Variants in ZMYM6 observed in about 807,000 individuals in gnomAD.
ZMYM6 encodes the protein zinc finger MYM-type protein 6.
In ZMYM6, 90 loss-of-function variants were observed where a neutral mutation model predicts 134.0. The ratio of observed to expected loss-of-function variants is 0.67; its 90% CI spans 0.57 to 0.80. ZMYM6 has a LOEUF of 0.80. ZMYM6 is among the 30% of genes least tolerant of loss of function. ZMYM6 has a pLI of 0.00. For missense variants in ZMYM6, 1,362 were observed against 1,533.9 expected (o/e 0.89, Z 1.87); for synonymous variants, 481 against 524.1 (o/e 0.92, Z 1.12).
In ZMYM6 at chr1:35,008,357, T is replaced by C. The variant is rs934142914; in HGVS notation, c.1665+395A>G. Among the ~76,000 whole-genome samples, 6 of 152,320 alleles carry C rather than the reference T, an allele frequency of 3.9e-5. 1 individual carries two copies. Among genetic ancestry groups the C allele is most frequent in the African/African-American group, 1.4e-4 (6 of 41,554 alleles). ...TTCAAAAAGTTAATCTTTTTAAAAATGAGGTAGGAATGGTTGCCAGCTATT... is the reference window on the plus strand; with the variant it reads ...TTCAAAAAGTTAATCTTTTTAAAAACGAGGTAGGAATGGTTGCCAGCTATT... On this transcript the variant is annotated intron_variant, in intron 11 of 15. Transcript: ENST00000357182.
At chr1:35,028,927 A>C (rs1641466238) in intron 2 of ZMYM6, among the ~76,000 whole-genome samples, 1 of 151,590 alleles carries the variant, frequency 6.6e-6, no homozygotes, top group East Asian at 2.0e-4. Context: ...GTGGTGGCTC[A>C]CGCCTGTAAT....
rs747400838 is a variant in ZMYM6, at chr1:35,007,046, T to C, written c.1718A>G (p.Lys573Arg). 3.7e-6 allele frequency: 6 copies of C among 1,611,746 alleles called. No individual in the cohort carries two copies. The South Asian group carries it at 6.6e-5, about 18-fold the overall frequency. Residue 573 changes from lysine (K) to arginine (R), a missense_variant, in exon 12 of 16, where the codon AAG (lysine) becomes AGG (arginine). Coordinates refer to ENST00000357182, the MANE Select transcript of ZMYM6 (RefSeq NM_007167.4). ...GAAATGTTTAATGTTGCCTCGCCAC[T>C]TTATGGACTCGCTTAGTTTACCCTG... ...KRQGKLSESI[K>R]WRGNIKHFCN...
At chr1:35,005,026 C>T in intron 13 of ZMYM6, 106 bp downstream of exon 13, 1 of 1,387,608 alleles carries the variant, frequency 7.2e-7, no homozygotes, top group Non-Finnish European at 9.9e-7. Flanking sequence ...CCATTGCACT[C>T]CAGCCTGGGC....
At chr1:35,005,629 C>CAAAAAAAAAAAAAAAAAAAAAAAAAAA (rs1182722333) in intron 12 of ZMYM6, among the ~76,000 whole-genome samples, 2 of 59,296 alleles carry the variant, frequency 3.4e-5, no homozygotes, top group Non-Finnish European at 4.1e-5. Flanking sequence ...AACCTAGTCT[C>CAAAAAAAAAAAAAAAAAAAAAAAAAAA]AAAAAAAAAA....
At chr1:35,007,391 C>T (rs1351893863) in intron 11 of ZMYM6, among the ~76,000 whole-genome samples, 2 of 151,932 alleles carry the variant, frequency 1.3e-5, no homozygotes, top group Non-Finnish European at 2.9e-5. Flanking sequence ...GAGTTCAAGA[C>T]CAGCCTGACC....
intron 4 of ZMYM6, chr1:35,018,265 G>C (rs922040005): frequency 6.6e-6 from 1 of 151,760 alleles, no homozygotes; most frequent in African/African-American, 2.4e-5. Context: ...GATCATCTGA[G>C]CCCGGGGAGT....
intron 13 of ZMYM6, among the ~76,000 whole-genome samples, chr1:35,004,293 G>A (rs534275392): frequency 1.3e-5 from 2 of 152,178 alleles, no homozygotes; most frequent in African/African-American, 4.8e-5. Flanking sequence ...GAGTACCTCT[G>A]AGCCTTCTAT....
intron 15 of ZMYM6, 116 bp from the exon 16 acceptor site, chr1:34,989,051 A>T (rs1194009987): frequency 6.7e-7 from 1 of 1,489,470 alleles, no homozygotes. Context: ...TATCAAAAGA[A>T]TGCACTGGTA....
At position 35,010,530 on chromosome 1, in the gene ZMYM6, G is replaced by A. The variant is rs2148452907; in HGVS notation, c.1409C>T (p.Ala470Val). Residue 470 changes from alanine (A) to valine (V), a missense_variant, in exon 10 of 16, where the codon GCA becomes GTA. By Grantham distance (64) the Ala-to-Val change is moderately conservative. Around this residue, in one of 3 missense-constraint regions of ZMYM6, gnomAD observed 35 missense variants for 72.2 expected, o/e 0.48. Transcript: ENST00000357182. The stretch of plus-strand genomic sequence containing the variant: ...CTGCAGTTTACAGTAGTCACACATT[G>A]CCACAACTTTATTTTTCTTCTTGTA... The part of the protein sequence containing the change: ...DEYKKKNKVV[A>V]MCDYCKLQKI... The A allele has an allele frequency of 1.9e-6, 3 of 1,613,964 alleles. No homozygotes were observed. Among genetic ancestry groups the A allele is most frequent in the South Asian group, 1.1e-5 (1 of 91,038 alleles).
At position 34,988,369 on chromosome 1, in the gene ZMYM6, A is replaced by C; in HGVS notation, c.2713T>G (p.Ser905Ala). ...TCTATCTGAAGGGCAAACCACTTTG[A>C]CTCTCTGACCTTTTGAATCAGCTGG... ...EDQLIQKVRESKWFALQIDES... is the reference protein window; with the variant it reads ...EDQLIQKVREAKWFALQIDES... Residue 905 changes from serine to alanine, a missense_variant, in exon 16 of 16, where the codon TCA becomes GCA. Physicochemically the swap from Ser to Ala is moderately conservative, Grantham distance 99 (BLOSUM62 1). Coordinates refer to ENST00000357182, the MANE Select transcript of ZMYM6 (RefSeq NM_007167.4). The C allele has an allele frequency of 1.3e-6, 2 of 1,551,550 alleles. No individual in the cohort carries two copies. The highest frequency in any genetic ancestry group is 1.7e-6 in the Non-Finnish European group (2 of 1,146,946).
chr1:35,015,262 G>T, intron 4 of ZMYM6, 100 bp from the exon 5 acceptor site: 1 of 1,162,658 alleles, frequency 8.6e-7, no homozygotes, highest in Non-Finnish European at 1.2e-6. Flanking sequence ...GGCAGGTACT[G>T]TATGGTAGAA....
chr1:35,009,721 T>C (rs1641049894), intron 10 of ZMYM6, among the ~76,000 whole-genome samples: 1 of 151,886 alleles, frequency 6.6e-6, no homozygotes, highest in African/African-American at 2.4e-5. Flanking sequence ...CCACCTGAGC[T>C]CAGGAGTTCA....
In ZMYM6 at chr1:35,011,018, T is replaced by G; in HGVS notation, c.1081A>C (p.Lys361Gln). ...VAFQNVFSKP[K>Q]GTNSSAVPLS... ...GGCACCGCCGAAGAGTTTGTTCCTT[T>G]TGGCTTGCTAAATACATTCTGAATG... is the stretch of plus-strand genomic sequence containing the variant. Residue 361 changes from lysine (K) to glutamine (Q), a missense_variant, in exon 9 of 16, where the codon AAA becomes CAA. Lys to Gln is a moderately conservative substitution (Grantham distance 53, BLOSUM62 1). Transcript: ENST00000357182. 1 of 1,613,584 alleles carries G rather than the reference T, an allele frequency of 6.2e-7. No homozygotes were observed. Among genetic ancestry groups the G allele is most frequent in the Non-Finnish European group, 8.5e-7 (1 of 1,179,934 alleles).
In ZMYM6 at chr1:35,014,866, T is replaced by A. The variant is rs756642386; in HGVS notation, c.626A>T (p.Gln209Leu). The A allele has an allele frequency of 4.8e-5, 77 of 1,614,024 alleles. No individual in the cohort carries two copies. The highest frequency in any genetic ancestry group is 6.5e-5 in the Non-Finnish European group (77 of 1,180,034). ...ACTACAAAGACCATGTACCACATTT[T>A]GATATTTAACTTCAAATCGAGTCTA... Reference protein sequence around the residue: ...NADTRFEVKYQNVVHGLCSDA... With the variant: ...NADTRFEVKYLNVVHGLCSDA... The change falls in exon 6 of 16, where the codon CAA (glutamine) becomes CTA (leucine). Residue 209 changes from glutamine to leucine, a missense_variant. Gln to Leu is a moderately radical substitution (Grantham distance 113). This residue lies in a region of ZMYM6 where 503 missense variants were observed against 520.8 expected (regional missense o/e 0.97). Transcript: ENST00000357182.
At chr1:35,013,557 T>TA (rs1641127419) in intron 6 of ZMYM6, 1 of 985,224 alleles carries the variant, frequency 1.0e-6, no homozygotes. Flanking sequence ...TGGCAAATCT[T>TA]AAAAAAAGAG....
At chr1:34,992,027 G>GT (rs1640684303) in intron 15 of ZMYM6, 4 of 656,368 alleles carry the variant, frequency 6.1e-6, no homozygotes, top group South Asian at 5.0e-5. Flanking sequence ...CTGTATGTTA[G>GT]TAATTATAAT....
chr1:35,015,585 G>T (rs948749079), intron 4 of ZMYM6, among the ~76,000 whole-genome samples: 1 of 151,232 alleles, frequency 6.6e-6, no homozygotes, highest in African/African-American at 2.4e-5. Flanking sequence ...CTAGATGGGC[G>T]TGGTGGTGGG....
chr1:35,023,391 G>T (rs1286389831), intron 2 of ZMYM6, among the ~76,000 whole-genome samples: 2 of 152,074 alleles, frequency 1.3e-5, no homozygotes, highest in African/African-American at 4.8e-5. Context: ...ACAGGCGTGA[G>T]CCACTGCACC....
At chr1:35,024,901 C>T (rs1325995738) in intron 2 of ZMYM6, among the ~76,000 whole-genome samples, 2 of 151,584 alleles carry the variant, frequency 1.3e-5, no homozygotes, top group African/African-American at 4.9e-5. Flanking sequence ...TGGAATATTG[C>T]TCTGTTGCCC....
Sources: allele counts gnomAD v4.1 joint callset (sites outside exome capture counted in the v4.1 genomes callset), GRCh38; gene constraint gnomAD v4.1.1; regional missense constraint gnomAD v4.1.1; transcripts MANE v1.5; gene names NCBI Gene and HGNC (gene_info 2026-07-23, HGNC 2026-07-21).